DOCK4: variants seen among roughly 807,000 people sequenced by gnomAD.
The protein encoded by DOCK4 is dedicator of cytokinesis protein 4.
Under a neutral mutation model 268.1 loss-of-function variants are expected in DOCK4, and 97 were observed. The observed-to-expected ratio is 0.36, with a 90% CI of 0.31 to 0.43. The LOEUF is 0.43. DOCK4 is among the 20% of genes least tolerant of loss of function. The pLI, the probability that DOCK4 is intolerant of heterozygous loss-of-function variation, is 1.00. For synonymous variants in DOCK4, 954 were observed against 887.2 expected (o/e 1.08, Z -1.34); for missense variants, 2,145 against 2,455.7 (o/e 0.87, Z 2.67).
At chr7:111,747,229 T>G in intron 43 of DOCK4, 38 bp downstream of exon 43, 1 of 1,585,864 alleles carries the variant, frequency 6.3e-7, no homozygotes, top group Non-Finnish European at 8.6e-7. Context: ...AAGTCACAAT[T>G]GAAAACTTTC....
chr7:111,741,599 A>G lies in DOCK4; in HGVS notation c.4860T>C (p.Cys1620=), dbSNP rs747984091. ...VHFPNGSPRV[C]RNSAPASVSP... is the part of the protein sequence containing the mutation. ...TCACAGAAGCAGGTGCTGAGTTTCT[A>G]CACACACGAGGGCTTCCATTAGGAA... Residue 1620 remains cysteine (C), a synonymous_variant, in exon 46 of 53, where the codon TGT becomes TGC. Transcript: ENST00000428084. 6.2e-7 allele frequency: 1 copy of G among 1,613,702 alleles called. No individual in the cohort carries two copies. The highest frequency in any genetic ancestry group is 8.5e-7 in the Non-Finnish European group (1 of 1,179,776).
At chr7:111,823,204 C>CTT (rs917904625) in intron 26 of DOCK4, among the ~76,000 whole-genome samples, 5,862 of 116,154 alleles carry the variant, frequency 0.05, 583 homozygotes, top group African/African-American at 0.18. Flanking sequence ...GGAAATATTA[C>CTT]TTTTTTTTTT....
At chr7:112,201,873 C>A (rs1359727583) in intron 1 of DOCK4, among the ~76,000 whole-genome samples, 1 of 152,192 alleles carries the variant, frequency 6.6e-6, no homozygotes, top group Non-Finnish European at 1.5e-5. Context: ...ACTCTGGCAA[C>A]CATCACTTTA....
At chr7:112,001,328 T>C (rs1800405585) in intron 2 of DOCK4, among the ~76,000 whole-genome samples, 2 of 152,184 alleles carry the variant, frequency 1.3e-5, no homozygotes, top group African/African-American at 4.8e-5. Flanking sequence ...CTAAGTAGCA[T>C]GATGAAATCC....
Position 112,206,096 on chromosome 7 carries a change from A to G in DOCK4, c.37+6T>C, listed in dbSNP as rs961624623. ...CAGAATAAAAGTTCGCCCCGCGGAG[A>G]CTCACCCACGCCGTATTTCTCGTGC... On this transcript the variant is annotated splice_donor_region_variant and intron_variant, in intron 1 of 52. Coordinates refer to ENST00000428084, the MANE Select transcript of DOCK4 (RefSeq NM_001363540.2). 63 of 1,579,662 alleles carry G rather than the reference A, an allele frequency of 4.0e-5. No individual in the cohort carries two copies. Among genetic ancestry groups the G allele is most frequent in the Non-Finnish European group, 5.2e-5 (60 of 1,162,596 alleles).
chr7:111,889,924 G>A (rs1808153857), intron 16 of DOCK4, among the ~76,000 whole-genome samples: 1 of 152,192 alleles, frequency 6.6e-6, no homozygotes, highest in African/African-American at 2.4e-5. Context: ...TTTGAGTTGG[G>A]CACTTCTGCC....
intron 1 of DOCK4, among the ~76,000 whole-genome samples, chr7:112,055,342 C>G (rs991699519): frequency 6.6e-6 from 1 of 152,188 alleles, no homozygotes; most frequent in Non-Finnish European, 1.5e-5. Context: ...CATCCCATCA[C>G]AGGGTGCACT....
At chr7:111,946,117 AAT>A (rs748224740) in intron 8 of DOCK4, among the ~76,000 whole-genome samples, 12 of 152,220 alleles carry the variant, frequency 7.9e-5, no homozygotes, top group Non-Finnish European at 1.6e-4. Flanking sequence ...AAAAGAGAAA[AAT>A]ATGACATAAC....
intron 15 of DOCK4, 104 bp downstream of exon 15, chr7:111,900,270 A>T: frequency 7.5e-7 from 1 of 1,334,816 alleles, no homozygotes; most frequent in Non-Finnish European, 1.0e-6. Context: ...ACTGATTTTT[A>T]CAAAAGTAAT....
rs775758943 is a variant in DOCK4, at chr7:111,728,608, C to T, written c.5594G>A (p.Arg1865Gln). ...SYSSGISSLS[R>Q]CSTSETSGFE... is the part of the protein sequence containing the mutation. ...GCCTGAGGTTTCCGACGTGCTGCAC[C>T]GGCTGAGAGAAGAAATCCCACTGCT... The change falls in exon 53 of 53, where the codon CGG becomes CAG. Residue 1865 changes from arginine (R) to glutamine (Q), a missense_variant. By Grantham distance (43) the Arg-to-Gln change is conservative. Transcript: ENST00000428084. 7.4e-6 allele frequency: 12 copies of T among 1,613,884 alleles called. No homozygotes were observed. The highest frequency in any genetic ancestry group is 1.3e-5 in the African/African-American group (1 of 74,916).
chr7:111,762,614 C>T (rs934064463), intron 39 of DOCK4, among the ~76,000 whole-genome samples: 16 of 151,922 alleles, frequency 1.1e-4, no homozygotes, highest in African/African-American at 3.9e-4. Flanking sequence ...TGGGCAGTTT[C>T]TACATTTTGG....
chr7:111,868,853 C>G (rs1806195573), intron 21 of DOCK4, among the ~76,000 whole-genome samples: 1 of 152,048 alleles, frequency 6.6e-6, no homozygotes, highest in African/African-American at 2.4e-5. Context: ...ACAGGTAGTA[C>G]TCTTGCCACT....
rs111944863 is a variant in DOCK4 at position 112,190,291 on chromosome 7, C to T, written c.37+15811G>A. On this transcript the variant is annotated intron_variant, in intron 1 of 52. Transcript: ENST00000428084. ...CCTCAAGGGCTTCCCTACACTGTAG[C>T]AAAGTCGGACAGTTTCAAAACAGCA... Among the ~76,000 whole-genome samples the T allele has an allele frequency of 5.9e-5, 9 of 152,288 alleles. 2 individuals are homozygous for T. Among genetic ancestry groups the T allele is most frequent in the African/African-American group, 2.2e-4 (9 of 41,566 alleles).
chr7:111,935,412 C>G, intron 12 of DOCK4, 128 bp downstream of exon 12: 1 of 781,408 alleles, frequency 1.3e-6, no homozygotes, highest in South Asian at 1.4e-5. Flanking sequence ...GTTCATTGAG[C>G]ATTTTTAAAG....
intron 25 of DOCK4, among the ~76,000 whole-genome samples, chr7:111,844,210 A>G (rs1327890881): frequency 6.6e-6 from 1 of 152,158 alleles, no homozygotes; most frequent in African/African-American, 2.4e-5. Context: ...CGGGAGATGG[A>G]GGTTGTAGTA....
chr7:111,853,093 CATCAGTA>C lies in DOCK4; in HGVS notation c.2474-5974_2474-5968del. On this transcript the variant is annotated intron_variant, in intron 23 of 52. Transcript: ENST00000428084. ...CTTGAGTGGATATACAGCCAGCTCC[CATCAGTA>C]ATCCCCACTGGACACGGGACTAGGA... 1.3e-5 allele frequency among the ~76,000 whole-genome samples: 2 copies of C among 152,170 alleles called. 1 individual carries two copies. Among genetic ancestry groups the C allele is most frequent in the Non-Finnish European group, 2.9e-5 (2 of 68,048 alleles).
intron 1 of DOCK4, among the ~76,000 whole-genome samples, chr7:112,033,262 T>A (rs541411942): frequency 6.6e-6 from 1 of 152,110 alleles, no homozygotes; most frequent in African/African-American, 2.4e-5. Context: ...ACAAAAATAA[T>A]CATTTTTATG....
Position 112,093,207 on chromosome 7 carries a change from T to C in DOCK4, c.38-89076A>G, listed in dbSNP as rs887491121. Among the ~76,000 whole-genome samples the C allele has an allele frequency of 4.6e-5, 7 of 152,272 alleles. No individual in the cohort carries two copies. The East Asian group carries it at 1.4e-3, about 30-fold the overall frequency. On this transcript the variant is annotated intron_variant, in intron 1 of 52. Coordinates refer to ENST00000428084, the MANE Select transcript of DOCK4 (RefSeq NM_001363540.2). ...ACCCCAGAATTGCTTCATGATCACC[T>C]GATCACAAATAAACATGAAGTGGCT...
chr7:111,744,426 A>G (rs1380725376), intron 44 of DOCK4, among the ~76,000 whole-genome samples: 2 of 152,220 alleles, frequency 1.3e-5, no homozygotes, highest in African/African-American at 4.8e-5. Flanking sequence ...CCAAGGGCAC[A>G]TTGACAGTCA....
Sources: allele counts gnomAD v4.1 joint callset (sites outside exome capture counted in the v4.1 genomes callset), GRCh38; gene constraint gnomAD v4.1.1; transcripts MANE v1.5; gene names NCBI Gene and HGNC (gene_info 2026-07-23, HGNC 2026-07-21).